Variants in MGAT4C observed in about 807,000 individuals in gnomAD.
MGAT4C encodes MGAT4 family member C.
MGAT4C carries 19 observed loss-of-function variants against 40.1 expected under a neutral mutation model. The ratio of observed to expected loss-of-function variants is 0.47; its 90% confidence interval spans 0.33 to 0.70. The LOEUF is 0.70. Ranked by LOEUF, MGAT4C falls within the 30% of genes least tolerant of loss-of-function variation. The pLI, the probability that MGAT4C is intolerant of heterozygous loss-of-function variation, is 0.02. For missense variants in MGAT4C, 491 were observed against 563.2 expected (o/e 0.87, Z 1.30); for synonymous variants, 181 against 187.1 (o/e 0.97, Z 0.27).
At chr12:86,435,006 C>A (rs1409284522) in intron 3 of MGAT4C, among the ~76,000 whole-genome samples, 1 of 151,856 alleles carries the variant, frequency 6.6e-6, no homozygotes, top group Non-Finnish European at 1.5e-5. Context: ...AACATAAAGG[C>A]ACAAAGCATA....
At chr12:86,511,652 G>A (rs1958589537) in intron 2 of MGAT4C, among the ~76,000 whole-genome samples, 3 of 152,038 alleles carry the variant, frequency 2.0e-5, no homozygotes, top group Admixed American at 2.0e-4. Flanking sequence ...CAATGGGGAA[G>A]GAATAGTCTC....
chr12:86,543,707 G>T (rs2136388274), intron 2 of MGAT4C, among the ~76,000 whole-genome samples: 1 of 152,130 alleles, frequency 6.6e-6, no homozygotes, highest in Non-Finnish European at 1.5e-5. Flanking sequence ...AAGTCTATTT[G>T]ATTCCAATAA....
chr12:86,672,258 CA>C (rs1286220445), intron 2 of MGAT4C, among the ~76,000 whole-genome samples: 1 of 151,788 alleles, frequency 6.6e-6, no homozygotes, highest in African/African-American at 2.4e-5. Flanking sequence ...ACACACATAC[CA>C]AAATCAATAG....
chr12:86,045,258 T>C (rs919196931), intron 2 of MGAT4C, among the ~76,000 whole-genome samples: 1 of 152,188 alleles, frequency 6.6e-6, no homozygotes, highest in Admixed American at 6.5e-5. Flanking sequence ...TAATAATGGA[T>C]CTTCATTCCT....
At chr12:86,629,297 A>C (rs1296101677) in intron 2 of MGAT4C, among the ~76,000 whole-genome samples, 2 of 152,168 alleles carry the variant, frequency 1.3e-5, no homozygotes, top group Non-Finnish European at 2.9e-5. Flanking sequence ...CCCACAAAAT[A>C]GTATAGGGAG....
intron 1 of MGAT4C, among the ~76,000 whole-genome samples, chr12:86,185,233 C>T (rs1888621400): frequency 6.6e-6 from 1 of 152,064 alleles, no homozygotes; most frequent in African/African-American, 2.4e-5. Flanking sequence ...CTTGTCTTTA[C>T]TCTGTGTAGG....
chr12:86,179,649 CAA>C (rs1180047223), intron 1 of MGAT4C, among the ~76,000 whole-genome samples: 4 of 152,104 alleles, frequency 2.6e-5, no homozygotes, highest in African/African-American at 9.7e-5. Flanking sequence ...TATGTTTTAG[CAA>C]AGAGACTGGC....
At chr12:86,515,092 G>C (rs567619352) in intron 2 of MGAT4C, among the ~76,000 whole-genome samples, 60 of 152,284 alleles carry the variant, frequency 3.9e-4, no homozygotes, top group Admixed American at 1.4e-3. Flanking sequence ...CTGGGAATCA[G>C]GATGTGGATA....
At chr12:86,142,827 A>G (rs1241721629) in intron 1 of MGAT4C, among the ~76,000 whole-genome samples, 2 of 151,932 alleles carry the variant, frequency 1.3e-5, no homozygotes, top group East Asian at 3.9e-4. Context: ...CTCAAAATTC[A>G]TATGTTGAAG....
At chr12:86,386,221 A>T (rs1015040284) in intron 3 of MGAT4C, among the ~76,000 whole-genome samples, 1 of 152,048 alleles carries the variant, frequency 6.6e-6, no homozygotes, top group South Asian at 2.1e-4. Context: ...TGAGCCAGGT[A>T]ATTATTTTTG....
intron 1 of MGAT4C, among the ~76,000 whole-genome samples, chr12:86,252,762 A>T (rs1952354366): frequency 6.6e-6 from 1 of 151,936 alleles, no homozygotes; most frequent in African/African-American, 2.4e-5. Context: ...ACCTTGTCCA[A>T]AGTCAAACAA....
chr12:86,408,475 CTCTCTATATATATATATATATATATATA>C (rs1354739154), intron 3 of MGAT4C, among the ~76,000 whole-genome samples: 1 of 104,406 alleles, frequency 9.6e-6, no homozygotes, highest in East Asian at 3.3e-4. Context: ...CTCTCTCTCT[CTCTCTATATATATATATATATATATATA>C]TATATATATA....
intron 1 of MGAT4C, among the ~76,000 whole-genome samples, chr12:86,248,322 G>T (rs1209857209): frequency 3.3e-5 from 5 of 151,520 alleles, no homozygotes; most frequent in Non-Finnish European, 1.5e-5. Context: ...ATTCAGAAAA[G>T]AATTAGGGAG....
intron 2 of MGAT4C, among the ~76,000 whole-genome samples, chr12:86,559,503 C>G (rs1959766007): frequency 6.6e-6 from 1 of 151,816 alleles, no homozygotes; most frequent in Non-Finnish European, 1.5e-5. Context: ...ACAAGAAAAA[C>G]TTTAAAAACT....
chr12:86,688,859 C>G (rs1426182888), intron 2 of MGAT4C, among the ~76,000 whole-genome samples: 2 of 151,998 alleles, frequency 1.3e-5, no homozygotes, highest in Non-Finnish European at 2.9e-5. Flanking sequence ...CTTAGCGGTG[C>G]TCTCTATATT....
chr12:86,622,128 A>G (rs11837474), intron 2 of MGAT4C, among the ~76,000 whole-genome samples: 1 of 152,064 alleles, frequency 6.6e-6, no homozygotes, highest in Non-Finnish European at 1.5e-5. Context: ...ATTTTACATT[A>G]TCAACTTATG....
At chr12:86,569,972 C>A (rs1044264139) in intron 2 of MGAT4C, among the ~76,000 whole-genome samples, 2 of 151,990 alleles carry the variant, frequency 1.3e-5, no homozygotes, top group Admixed American at 1.3e-4. Flanking sequence ...TACATTATCT[C>A]ACTTATATAT....
At chr12:86,186,508 T>C (rs1888769499) in intron 1 of MGAT4C, among the ~76,000 whole-genome samples, 1 of 152,114 alleles carries the variant, frequency 6.6e-6, no homozygotes, top group African/African-American at 2.4e-5. Flanking sequence ...GAACCAAGCA[T>C]GCCAATTTAC....
intron 3 of MGAT4C, among the ~76,000 whole-genome samples, chr12:86,348,063 A>G (rs1955078286): frequency 6.6e-6 from 1 of 152,172 alleles, no homozygotes; most frequent in Non-Finnish European, 1.5e-5. Context: ...TGTAAATTAT[A>G]CTTCTTCAAA....
Sources: gnomAD v4.1 joint callset for allele counts (sites outside exome capture counted in the v4.1 genomes callset) on GRCh38, gnomAD v4.1.1 for gene constraint, MANE v1.5 for transcripts, NCBI Gene and HGNC (gene_info 2026-07-23, HGNC 2026-07-21) for gene names.